Variants in GABRG3 observed in about 807,000 individuals in gnomAD.
The protein encoded by GABRG3 is gamma-aminobutyric acid receptor subunit gamma-3.
A neutral mutation model predicts 48.8 loss-of-function variants in GABRG3; 25 were observed. The observed-to-expected ratio is 0.51, with a 90% CI of 0.37 to 0.72. GABRG3 has a LOEUF of 0.72. Ranked by LOEUF, GABRG3 falls within the 30% of genes least tolerant of loss-of-function variation. The pLI, the probability that GABRG3 is intolerant of heterozygous loss-of-function variation, is 0.00. For synonymous variants in GABRG3, 227 were observed against 217.6 expected, an observed-to-expected ratio of 1.04 and a Z score of -0.38; for missense variants, 394 against 577.9, an observed-to-expected ratio of 0.68 and a Z score of 3.26.
intron 5 of GABRG3, among the ~76,000 whole-genome samples, chr15:27,342,649 ATTC>A (rs1394608749): frequency 6.6e-6 from 1 of 152,272 alleles, no homozygotes. Context: ...AAGCTGGAAC[ATTC>A]TTCATCAGAG....
intron 3 of GABRG3, among the ~76,000 whole-genome samples, chr15:27,198,305 A>G (rs1888565104): frequency 6.6e-6 from 1 of 152,234 alleles, no homozygotes; most frequent in East Asian, 1.9e-4. Flanking sequence ...ATTTACAAGA[A>G]AAAAACAACC....
intron 3 of GABRG3, among the ~76,000 whole-genome samples, chr15:27,269,549 T>A (rs1226598615): frequency 6.6e-6 from 1 of 152,246 alleles, no homozygotes; most frequent in Non-Finnish European, 1.5e-5. Context: ...CTGCATTTTC[T>A]ACATATCTCC....
chr15:27,250,363 C>G (rs1890415261), intron 3 of GABRG3, among the ~76,000 whole-genome samples: 3 of 152,230 alleles, frequency 2.0e-5, no homozygotes, highest in Admixed American at 2.0e-4. Context: ...TTCACTTCCT[C>G]AGCAGCACTG....
At chr15:27,480,808 G>A (rs1890084026) in intron 6 of GABRG3, 21 bp downstream of exon 6, 1 of 1,612,200 alleles carries the variant, frequency 6.2e-7, no homozygotes, top group African/African-American at 1.3e-5. Flanking sequence ...ACTGAAAGAG[G>A]CACAGCTCTC....
At chr15:27,416,366 GA>G (rs1887939888) in intron 5 of GABRG3, among the ~76,000 whole-genome samples, 1 of 152,114 alleles carries the variant, frequency 6.6e-6, no homozygotes, top group African/African-American at 2.4e-5. Context: ...GGCTGGAGTT[GA>G]GTATTTCCCT....
rs1896334362 is a variant in GABRG3 at position 27,044,783 on chromosome 15, T to G, written c.270+17962T>G. Among the ~76,000 whole-genome samples, 3 of 152,206 alleles carry G rather than the reference T, an allele frequency of 2.0e-5. No homozygotes were observed. The South Asian group carries it at 6.2e-4, about 32-fold the overall frequency. On this transcript the variant is annotated intron_variant, in intron 3 of 9. Coordinates refer to ENST00000615808, the MANE Select transcript of GABRG3 (RefSeq NM_033223.5). The stretch of plus-strand genomic sequence containing the variant: ...CAGAAACAGCTCCATTGGTTGCCAC[T>G]CAGTGTGGCCTTATTTGAACCTGGT...
At chr15:27,131,340 T>C (rs1897913118) in intron 3 of GABRG3, among the ~76,000 whole-genome samples, 1 of 152,128 alleles carries the variant, frequency 6.6e-6, no homozygotes, top group Non-Finnish European at 1.5e-5. Flanking sequence ...ATTGCACTGA[T>C]TGATTTTTTT....
chr15:27,222,142 A>G (rs1279559515), intron 3 of GABRG3, among the ~76,000 whole-genome samples: 1 of 152,128 alleles, frequency 6.6e-6, no homozygotes, highest in Non-Finnish European at 1.5e-5. Flanking sequence ...GATGCCCCAA[A>G]TGGCTCTCTG....
intron 3 of GABRG3, among the ~76,000 whole-genome samples, chr15:27,119,844 C>T (rs897297329): frequency 6.6e-6 from 1 of 152,198 alleles, no homozygotes; most frequent in Non-Finnish European, 1.5e-5. Context: ...GCATTCCCAG[C>T]ACAGCTGCTG....
At chr15:27,531,482 C>G (rs2150866531) in intron 9 of GABRG3, among the ~76,000 whole-genome samples, 1 of 152,328 alleles carries the variant, frequency 6.6e-6, no homozygotes, top group Middle Eastern at 3.4e-3. Context: ...TGAATGGCCT[C>G]TGTCCCAGCA....
At chr15:27,252,511 G>T (rs1291203720) in intron 3 of GABRG3, among the ~76,000 whole-genome samples, 1 of 152,172 alleles carries the variant, frequency 6.6e-6, no homozygotes, top group African/African-American at 2.4e-5. Flanking sequence ...TGATGCATCC[G>T]CCCCACCCCA....
intron 6 of GABRG3, among the ~76,000 whole-genome samples, chr15:27,501,899 C>G (rs1759368255): frequency 6.6e-6 from 1 of 152,072 alleles, no homozygotes; most frequent in African/African-American, 2.4e-5. Context: ...ACAATGACAG[C>G]TTTTAGGGGA....
At chr15:27,503,397 C>T (rs868042257) in intron 6 of GABRG3, among the ~76,000 whole-genome samples, 1 of 152,188 alleles carries the variant, frequency 6.6e-6, no homozygotes, top group Non-Finnish European at 1.5e-5. Flanking sequence ...TATACCACAC[C>T]CACTTTGCTC....
At chr15:27,067,842 T>C (rs1165904831) in intron 3 of GABRG3, among the ~76,000 whole-genome samples, 1 of 152,202 alleles carries the variant, frequency 6.6e-6, no homozygotes, top group East Asian at 1.9e-4. Flanking sequence ...TGTCTCTTGC[T>C]TGCAATCAGG....
intron 5 of GABRG3, among the ~76,000 whole-genome samples, chr15:27,392,810 C>A (rs1267839487): frequency 6.6e-6 from 1 of 152,314 alleles, no homozygotes; most frequent in Middle Eastern, 3.4e-3. Flanking sequence ...TGGGTTATAA[C>A]CCAACATTAC....
intron 6 of GABRG3, among the ~76,000 whole-genome samples, chr15:27,498,957 A>T (rs1890553218): frequency 6.6e-6 from 1 of 152,096 alleles, no homozygotes; most frequent in Non-Finnish European, 1.5e-5. Flanking sequence ...GACAAGCATC[A>T]CCTTTTCTGT....
rs138815356 is a variant in GABRG3, at chr15:27,289,865, G to A, written c.271-36944G>A. ...AATATTTATAGATATGTGTATATAC[G>A]TGGACTAATACACACACATCATTTC... On this transcript the variant is annotated intron_variant, in intron 3 of 9. Transcript: ENST00000615808. 7.0e-3 allele frequency among the ~76,000 whole-genome samples: 1,062 copies of A among 152,210 alleles called. 20 individuals carry two copies. The highest frequency in any genetic ancestry group is 0.024 in the African/African-American group (1,008 of 41,542).
intron 5 of GABRG3, among the ~76,000 whole-genome samples, chr15:27,340,070 T>C (rs1031446759): frequency 1.1e-4 from 16 of 152,102 alleles, no homozygotes; most frequent in African/African-American, 3.6e-4. Context: ...ACCTTCTTCA[T>C]CTCTCTAAAC....
At chr15:27,106,349 A>G (rs1326243965) in intron 3 of GABRG3, among the ~76,000 whole-genome samples, 1 of 152,062 alleles carries the variant, frequency 6.6e-6, no homozygotes, top group East Asian at 1.9e-4. Context: ...TAACCATTTT[A>G]TTATCTATAT....
Sources: allele counts gnomAD v4.1 joint callset (sites outside exome capture counted in the v4.1 genomes callset), GRCh38; gene constraint gnomAD v4.1.1; transcripts MANE v1.5; gene names NCBI Gene and HGNC (gene_info 2026-07-23, HGNC 2026-07-21).